CNTN6: variants seen among roughly 807,000 people sequenced by gnomAD.
The protein encoded by CNTN6 is contactin-6.
A neutral mutation model predicts 122.8 loss-of-function variants in CNTN6; 137 were observed. The observed-to-expected ratio is 1.12, with a 90% CI of 0.97 to 1.29. The LOEUF is 1.29. CNTN6 is among the 50% of genes most tolerant of loss of function. CNTN6 has a pLI of 0.00. For missense variants in CNTN6, 1,634 were observed against 1,223.4 expected (o/e 1.34, Z -5.01); for synonymous variants, 570 against 426.0 (o/e 1.34, Z -4.16).
At chr3:1,113,179 T>C (rs1156234988) in intron 1 of CNTN6, among the ~76,000 whole-genome samples, 1 of 152,150 alleles carries the variant, frequency 6.6e-6, no homozygotes, top group African/African-American at 2.4e-5. Context: ...AGAAGTAATA[T>C]ATTGCCTGTA....
At chr3:1,102,457 G>T (rs1320134156) in intron 1 of CNTN6, among the ~76,000 whole-genome samples, 1 of 152,226 alleles carries the variant, frequency 6.6e-6, no homozygotes, top group Admixed American at 6.5e-5. Context: ...CCTGCCGGGC[G>T]CGGTGGCTCC....
At chr3:1,386,820 C>CTAAT (rs3884447) in intron 20 of CNTN6, among the ~76,000 whole-genome samples, 32,234 of 151,980 alleles carry the variant, frequency 0.21, 3,522 homozygotes, top group Non-Finnish European at 0.23. Context: ...ATGCCGTAGT[C>CTAAT]TAATTACACC....
intron 4 of CNTN6, among the ~76,000 whole-genome samples, chr3:1,271,248 T>C (rs111602989): frequency 3.3e-5 from 5 of 152,290 alleles, no homozygotes; most frequent in African/African-American, 1.2e-4. Flanking sequence ...TACAGATCAA[T>C]CAATTTCTGG....
intron 16 of CNTN6, among the ~76,000 whole-genome samples, chr3:1,376,438 A>G (rs1709878323): frequency 1.3e-5 from 2 of 152,114 alleles, no homozygotes; most frequent in Admixed American, 1.3e-4. Context: ...CAGGAGAAAA[A>G]CCTGACTTTG....
chr3:1,282,166 T>C (rs887113936), intron 5 of CNTN6, among the ~76,000 whole-genome samples: 2 of 152,266 alleles, frequency 1.3e-5, no homozygotes, highest in Admixed American at 6.5e-5. Flanking sequence ...AACAGAGTAA[T>C]CAACAGAAAC....
chr3:1,165,367 T>A (rs1298424048), intron 2 of CNTN6, among the ~76,000 whole-genome samples: 1 of 152,180 alleles, frequency 6.6e-6, no homozygotes, highest in African/African-American at 2.4e-5. Flanking sequence ...TAGTTTTATG[T>A]TTCTCATTTT....
intron 11 of CNTN6, among the ~76,000 whole-genome samples, chr3:1,346,769 G>C (rs1575800044): frequency 6.6e-6 from 1 of 152,104 alleles, no homozygotes; most frequent in African/African-American, 2.4e-5. Context: ...CATTAGTCTC[G>C]ATGTAGTTCC....
At chr3:1,183,610 A>G (rs2125348544) in intron 2 of CNTN6, among the ~76,000 whole-genome samples, 1 of 152,250 alleles carries the variant, frequency 6.6e-6, no homozygotes, top group Middle Eastern at 3.4e-3. Context: ...AATGGCTTTT[A>G]CATCTTATAA....
chr3:1,099,127 C>T (rs944668555), intron 1 of CNTN6, among the ~76,000 whole-genome samples: 1 of 151,818 alleles, frequency 6.6e-6, no homozygotes, highest in Non-Finnish European at 1.5e-5. Context: ...TAACTCATTC[C>T]ATATTAGACT....
intron 7 of CNTN6, among the ~76,000 whole-genome samples, chr3:1,318,184 G>A (rs948304922): frequency 1.3e-5 from 2 of 151,732 alleles, no homozygotes; most frequent in African/African-American, 2.4e-5. Flanking sequence ...AGATTTTCTT[G>A]TCTCTTTTAA....
intron 4 of CNTN6, among the ~76,000 whole-genome samples, chr3:1,240,847 G>A (rs1486023887): frequency 4.6e-5 from 7 of 152,104 alleles, no homozygotes; most frequent in African/African-American, 1.2e-4. Context: ...GGGTGCAGGC[G>A]GGCTGAGTCT....
At chr3:1,332,934 T>A (rs1049779914) in intron 11 of CNTN6, among the ~76,000 whole-genome samples, 1 of 152,102 alleles carries the variant, frequency 6.6e-6, no homozygotes, top group Non-Finnish European at 1.5e-5. Flanking sequence ...TAGCTACATT[T>A]AGCTTTCAAA....
At chr3:1,205,698 T>C (rs947188108) in intron 2 of CNTN6, among the ~76,000 whole-genome samples, 1 of 152,220 alleles carries the variant, frequency 6.6e-6, no homozygotes, top group African/African-American at 2.4e-5. Context: ...TGAAAGATTT[T>C]CTTTAACTCA....
intron 17 of CNTN6, among the ~76,000 whole-genome samples, chr3:1,382,236 G>A (rs1692005208): frequency 6.6e-6 from 1 of 152,146 alleles, no homozygotes; most frequent in Non-Finnish European, 1.5e-5. Context: ...AATTTGCTAA[G>A]TTTATGTGAT....
chr3:1,327,455 A>G lies in CNTN6; in HGVS notation c.1084-2A>G, dbSNP rs780166296. On this transcript the variant is annotated splice_acceptor_variant, in intron 9 of 22. Coordinates refer to ENST00000446702, the MANE Select transcript of CNTN6 (RefSeq NM_001289080.2). LOFTEE classifies it high-confidence loss of function. ...ATCTTTATATGCCTTTTCCTTTATT[A>G]GGAGAGAATTCAAATAGAAAATGGG... 1 of 1,609,584 alleles carries G rather than the reference A, an allele frequency of 6.2e-7. No individual in the cohort carries two copies. Among genetic ancestry groups the G allele is most frequent in the East Asian group, 2.2e-5 (1 of 44,606 alleles).
chr3:1,390,687 G>T (rs1479842421), intron 20 of CNTN6, among the ~76,000 whole-genome samples: 2 of 151,800 alleles, frequency 1.3e-5, no homozygotes, highest in Non-Finnish European at 1.5e-5. Flanking sequence ...AAAAAGAGAA[G>T]AATCAAATAG....
chr3:1,245,206 ATATATATAT>A (rs2094544757), intron 4 of CNTN6, among the ~76,000 whole-genome samples: 1 of 8,838 alleles, frequency 1.1e-4, no homozygotes, highest in African/African-American at 6.4e-4. Flanking sequence ...TGATATATAT[ATATATATAT>A]ATATATATAT....
chr3:1,291,876 G>A (rs905012880), intron 5 of CNTN6, among the ~76,000 whole-genome samples: 15 of 152,052 alleles, frequency 9.9e-5, no homozygotes, highest in African/African-American at 2.9e-4. Context: ...AGAACAGCAC[G>A]AGCATCTCAA....
At chr3:1,165,780 T>A (rs1575088348) in intron 2 of CNTN6, among the ~76,000 whole-genome samples, 1 of 152,200 alleles carries the variant, frequency 6.6e-6, no homozygotes, top group African/African-American at 2.4e-5. Flanking sequence ...CAAGATAACA[T>A]GGCAGGTCAG....
Sources: gnomAD v4.1 joint callset for allele counts (sites outside exome capture counted in the v4.1 genomes callset) on GRCh38, gnomAD v4.1.1 for gene constraint, MANE v1.5 for transcripts, NCBI Gene and HGNC (gene_info 2026-07-23, HGNC 2026-07-21) for gene names.